Variants in IGF1R observed in about 807,000 individuals in gnomAD.
IGF1R encodes the protein insulin-like growth factor 1 receptor.
Under a neutral mutation model 144.6 loss-of-function variants are expected in IGF1R, and 44 were observed. That is an observed-to-expected ratio of 0.30 (90% CI 0.24 to 0.39). The LOEUF is 0.39. Among genes scored for constraint, IGF1R ranks in the 10% least tolerant of loss-of-function variants. The pLI, the probability that IGF1R is intolerant of heterozygous loss-of-function variation, is 1.00. For missense variants in IGF1R, 1,355 were observed against 1,833.7 expected, an observed-to-expected ratio of 0.74 and a Z score of 4.77; for synonymous variants, 795 against 722.8, an observed-to-expected ratio of 1.10 and a Z score of -1.60.
chr15:98,760,193 A>AT (rs1555441496), intron 2 of IGF1R, among the ~76,000 whole-genome samples: 1 of 151,382 alleles, frequency 6.6e-6, no homozygotes, highest in African/African-American at 2.4e-5. Flanking sequence ...AAAAAAAAAA[A>AT]TGCAAAAACT....
At chr15:98,694,112 A>G (rs940623394) in intron 1 of IGF1R, among the ~76,000 whole-genome samples, 7 of 152,134 alleles carry the variant, frequency 4.6e-5, no homozygotes, top group African/African-American at 1.4e-4. Flanking sequence ...TATGCACTTA[A>G]TTGGCATACT....
At chr15:98,939,612 G>A (rs2016291130) in intron 18 of IGF1R, among the ~76,000 whole-genome samples, 1 of 152,224 alleles carries the variant, frequency 6.6e-6, no homozygotes. Flanking sequence ...CCAGACGTTT[G>A]AGGCATTTCT....
intron 13 of IGF1R, among the ~76,000 whole-genome samples, chr15:98,927,131 G>GAGT: frequency 6.6e-6 from 1 of 152,336 alleles, no homozygotes; most frequent in Admixed American, 6.5e-5. Flanking sequence ...GTGCCAGGAT[G>GAGT]CCAGTGGGAA....
chr15:98,649,943 C>T (rs186887362), intron 1 of IGF1R, among the ~76,000 whole-genome samples: 2 of 152,308 alleles, frequency 1.3e-5, no homozygotes, highest in African/African-American at 4.8e-5. Context: ...ACAGCCCAGC[C>T]GTGTTTCCCG....
At chr15:98,845,971 C>T (rs932555860) in intron 2 of IGF1R, among the ~76,000 whole-genome samples, 6 of 152,178 alleles carry the variant, frequency 3.9e-5, no homozygotes, top group African/African-American at 1.4e-4. Context: ...CTTGGTTTGC[C>T]TGGCCCTGTT....
intron 10 of IGF1R, among the ~76,000 whole-genome samples, chr15:98,917,475 A>ACTCTGCTC (rs1449431484): frequency 6.6e-6 from 1 of 152,166 alleles, no homozygotes; most frequent in Non-Finnish European, 1.5e-5. Flanking sequence ...TGCCCCAGGG[A>ACTCTGCTC]CTCTGCTCCT....
At chr15:98,749,557 A>C (rs2054954025) in intron 2 of IGF1R, among the ~76,000 whole-genome samples, 1 of 152,190 alleles carries the variant, frequency 6.6e-6, no homozygotes, top group African/African-American at 2.4e-5. Context: ...ATTAGCTATC[A>C]TGGCCTCACT....
intron 2 of IGF1R, among the ~76,000 whole-genome samples, chr15:98,869,381 A>G (rs2012653358): frequency 1.3e-5 from 2 of 151,128 alleles, no homozygotes; most frequent in South Asian, 4.2e-4. Context: ...GGCAACGACC[A>G]CACCACATGA....
At chr15:98,652,931 A>C (rs953558506) in intron 1 of IGF1R, among the ~76,000 whole-genome samples, 3 of 130,122 alleles carry the variant, frequency 2.3e-5, no homozygotes, top group African/African-American at 3.0e-5. Context: ...ATCTCAATAA[A>C]CCCTTTTTTT....
At chr15:98,657,934 C>G (rs1039592599) in intron 1 of IGF1R, among the ~76,000 whole-genome samples, 2 of 152,198 alleles carry the variant, frequency 1.3e-5, no homozygotes, top group African/African-American at 4.8e-5. Context: ...CAGTGCAGAC[C>G]TGCATTGACT....
intron 20 of IGF1R, among the ~76,000 whole-genome samples, chr15:98,951,131 G>A (rs949893871): frequency 6.6e-6 from 1 of 152,254 alleles, no homozygotes; most frequent in African/African-American, 2.4e-5. Context: ...GCGCAGGAAG[G>A]ATACCAGGGA....
chr15:98,778,768 G>A (rs1222824968), intron 2 of IGF1R, among the ~76,000 whole-genome samples: 1 of 152,188 alleles, frequency 6.6e-6, no homozygotes, highest in Non-Finnish European at 1.5e-5. Context: ...TGGTGCTAGT[G>A]GCCTTGAAGT....
intron 1 of IGF1R, among the ~76,000 whole-genome samples, chr15:98,682,304 G>C (rs1280646221): frequency 6.6e-6 from 1 of 152,146 alleles, no homozygotes; most frequent in East Asian, 1.9e-4. Context: ...TCTCATGTTT[G>C]CTGAGGGTGT....
chr15:98,831,019 ATAAC>A (rs2056992915), intron 2 of IGF1R, among the ~76,000 whole-genome samples: 2 of 152,126 alleles, frequency 1.3e-5, no homozygotes, highest in Admixed American at 6.6e-5. Flanking sequence ...CTCCTGGTAG[ATAAC>A]TAACAGAGTG....
At chr15:98,667,795 C>G (rs191623877) in intron 1 of IGF1R, among the ~76,000 whole-genome samples, 30 of 152,236 alleles carry the variant, frequency 2.0e-4, no homozygotes, top group African/African-American at 6.5e-4. Context: ...GTTGGACTTG[C>G]ATTTTCTCTG....
At chr15:98,854,405 ATTT>A (rs2011677565) in intron 2 of IGF1R, among the ~76,000 whole-genome samples, 1 of 151,930 alleles carries the variant, frequency 6.6e-6, no homozygotes, top group Admixed American at 6.6e-5. Flanking sequence ...TGCCTTAGGG[ATTT>A]TGCCTGGCAC....
At chr15:98,805,876 G>T (rs1481361060) in intron 2 of IGF1R, among the ~76,000 whole-genome samples, 1 of 152,034 alleles carries the variant, frequency 6.6e-6, no homozygotes, top group Non-Finnish European at 1.5e-5. Flanking sequence ...CACCAACTGG[G>T]GGCCTTACAA....
At chr15:98,887,746 A>T (rs1473813295) in intron 2 of IGF1R, among the ~76,000 whole-genome samples, 1 of 152,178 alleles carries the variant, frequency 6.6e-6, no homozygotes. Context: ...CCATTATACG[A>T]CGTGAATTTT....
intron 3 of IGF1R, among the ~76,000 whole-genome samples, chr15:98,895,035 AGAC>A (rs1261563323): frequency 3.3e-5 from 5 of 151,264 alleles, no homozygotes; most frequent in South Asian, 2.1e-4. Flanking sequence ...AAAAAAAAAA[AGAC>A]AGATTGTAGA....
Sources: allele counts gnomAD v4.1 joint callset (sites outside exome capture counted in the v4.1 genomes callset), GRCh38; gene constraint gnomAD v4.1.1; transcripts MANE v1.5; gene names NCBI Gene and HGNC (gene_info 2026-07-23, HGNC 2026-07-21).